GLRB: variants seen among roughly 807,000 people sequenced by gnomAD.
The protein encoded by GLRB is glycine receptor beta.
GLRB carries 33 observed loss-of-function variants against 54.2 expected under a neutral mutation model. The ratio of observed to expected loss-of-function variants is 0.61; its 90% CI spans 0.46 to 0.81. The LOEUF is 0.81. GLRB is among the 40% of genes least tolerant of loss of function. GLRB has a pLI of 0.00. For missense variants in GLRB, 572 were observed against 584.6 expected, an observed-to-expected ratio of 0.98 and a Z score of 0.22; for synonymous variants, 209 against 208.2, an observed-to-expected ratio of 1.00 and a Z score of -0.03.
At chr4:157,113,090 C>T (rs1735479594) in intron 2 of GLRB, among the ~76,000 whole-genome samples, 1 of 151,794 alleles carries the variant, frequency 6.6e-6, no homozygotes, top group African/African-American at 2.4e-5. Flanking sequence ...AAGTGTTTTT[C>T]AATTATACCC....
At chr4:157,111,539 G>A (rs1735418872) in intron 2 of GLRB, among the ~76,000 whole-genome samples, 1 of 151,960 alleles carries the variant, frequency 6.6e-6, no homozygotes, top group Non-Finnish European at 1.5e-5. Flanking sequence ...ATTAGGGCTG[G>A]AGGGTGTCTT....
At chr4:157,096,634 G>T (rs1734821890) in intron 2 of GLRB, among the ~76,000 whole-genome samples, 1 of 152,182 alleles carries the variant, frequency 6.6e-6, no homozygotes, top group African/African-American at 2.4e-5. Flanking sequence ...TATAGCCTGA[G>T]TGGGATCTGT....
chr4:157,098,552 A>G (rs572961004), intron 2 of GLRB, among the ~76,000 whole-genome samples: 1 of 152,210 alleles, frequency 6.6e-6, no homozygotes, highest in East Asian at 1.9e-4. Flanking sequence ...CATTAAGGAG[A>G]GTTAGCCCTT....
chr4:157,088,339 A>G (rs570644066), intron 2 of GLRB, among the ~76,000 whole-genome samples: 66 of 152,122 alleles, frequency 4.3e-4, no homozygotes, highest in Admixed American at 6.5e-4. Flanking sequence ...AATATTCTCT[A>G]TACATTCTAC....
chr4:157,128,267 C>T (rs934013215), intron 4 of GLRB, among the ~76,000 whole-genome samples: 2 of 151,694 alleles, frequency 1.3e-5, no homozygotes, highest in Non-Finnish European at 1.5e-5. Context: ...GTACATGAAA[C>T]TCAACAATTT....
At chr4:157,159,757 G>T (rs1277954119) in intron 9 of GLRB, among the ~76,000 whole-genome samples, 2 of 152,104 alleles carry the variant, frequency 1.3e-5, no homozygotes, top group Admixed American at 6.6e-5. Flanking sequence ...GAGGATTTTG[G>T]CATTGATGTT....
chr4:157,107,773 C>T (rs894921433), intron 2 of GLRB, among the ~76,000 whole-genome samples: 4 of 152,100 alleles, frequency 2.6e-5, no homozygotes, highest in Middle Eastern at 3.4e-3. Flanking sequence ...GGTGAATATA[C>T]GAAACAACAG....
At chr4:157,079,701 C>T (rs182025049) in intron 2 of GLRB, among the ~76,000 whole-genome samples, 3 of 152,278 alleles carry the variant, frequency 2.0e-5, no homozygotes, top group Admixed American at 2.0e-4. Flanking sequence ...CAATCTACAA[C>T]CATCTCAACT....
In GLRB at chr4:157,076,333, G is replaced by T. The variant is rs137856094; in HGVS notation, c.-30+36G>T. The T allele has an allele frequency of 7.5e-3, 1,138 of 151,770 alleles. 5 individuals are homozygous for T. The highest frequency in any genetic ancestry group is 0.013 in the Admixed American group (201 of 15,210). 9.4% of individuals were successfully genotyped at this position (151,770 alleles called of 1,614,324 possible). Reference sequence around the variant, plus strand: ...GGAGCTCCACTTAGGAGGAGGGGACGCGGGTTGGGGCGGCGACGGTGGTCT... The same window carrying T: ...GGAGCTCCACTTAGGAGGAGGGGACTCGGGTTGGGGCGGCGACGGTGGTCT... On this transcript the variant is annotated intron_variant, in intron 1 of 9. Coordinates refer to ENST00000264428, the MANE Select transcript of GLRB (RefSeq NM_000824.5).
intron 9 of GLRB, among the ~76,000 whole-genome samples, chr4:157,162,986 A>T (rs574897769): frequency 6.6e-6 from 1 of 152,242 alleles, no homozygotes; most frequent in African/African-American, 2.4e-5. Context: ...GGCTCCACCC[A>T]GTTTGAGCTT....
chr4:157,147,847 G>T (rs1177031363), intron 8 of GLRB, among the ~76,000 whole-genome samples: 1 of 152,208 alleles, frequency 6.6e-6, no homozygotes, highest in Non-Finnish European at 1.5e-5. Context: ...TTTGAGGTTT[G>T]TGGGCCATAT....
At chr4:157,101,777 G>C (rs1461801387) in intron 2 of GLRB, among the ~76,000 whole-genome samples, 1 of 130,408 alleles carries the variant, frequency 7.7e-6, no homozygotes, top group Non-Finnish European at 1.6e-5. Context: ...TCCTTTTCTA[G>C]AGTCCATAGA....
In GLRB at chr4:157,077,974, A is replaced by G. The variant is rs771882415; in HGVS notation, c.-29-22A>G. 5 of 1,525,940 alleles carry G rather than the reference A, an allele frequency of 3.3e-6. No individual in the cohort carries two copies. The Admixed American group carries it at 8.6e-5, about 26-fold the overall frequency. The allele number at this position is 1,525,940 out of a possible 1,614,324, so 94.5% of individuals were successfully genotyped here. A position where few individuals can be genotyped will look rare whatever the true frequency, so the allele number is the denominator to read the frequency against. ...TATCATTTTCTTCATAAATGTAAACATTTTCTTGTTCTCTCTTGTAGATCG... is the reference window on the plus strand; with the variant it reads ...TATCATTTTCTTCATAAATGTAAACGTTTTCTTGTTCTCTCTTGTAGATCG... On this transcript the variant is annotated intron_variant, in intron 1 of 9. Coordinates refer to ENST00000264428, the MANE Select transcript of GLRB (RefSeq NM_000824.5).
intron 4 of GLRB, among the ~76,000 whole-genome samples, chr4:157,129,701 ACT>A (rs898677735): frequency 6.6e-6 from 1 of 151,528 alleles, no homozygotes; most frequent in African/African-American, 2.4e-5. Context: ...TTGGAATATG[ACT>A]CTGATGGAAT....
chr4:157,153,275 T>A (rs1284950221), intron 9 of GLRB, among the ~76,000 whole-genome samples: 2 of 152,210 alleles, frequency 1.3e-5, no homozygotes. Context: ...GTTTAAGGAT[T>A]CAACTCTGCT....
chr4:157,148,556 T>G, intron 8 of GLRB, among the ~76,000 whole-genome samples: 1 of 152,196 alleles, frequency 6.6e-6, no homozygotes, highest in Non-Finnish European at 1.5e-5. Flanking sequence ...AATTTTGGTA[T>G]ATTGTATTTT....
chr4:157,130,066 C>G (rs1240510544), intron 4 of GLRB, among the ~76,000 whole-genome samples: 1 of 151,602 alleles, frequency 6.6e-6, no homozygotes, highest in Non-Finnish European at 1.5e-5. Flanking sequence ...AGGTGCAGTT[C>G]ATGTACTTTG....
chr4:157,118,722 C>A (rs562008372), intron 2 of GLRB, among the ~76,000 whole-genome samples: 1 of 151,508 alleles, frequency 6.6e-6, no homozygotes, highest in African/African-American at 2.4e-5. Flanking sequence ...TGCCTCTTAT[C>A]GGCAGATTGT....
chr4:157,119,520 T>C (rs958818510), intron 2 of GLRB, among the ~76,000 whole-genome samples: 1 of 151,700 alleles, frequency 6.6e-6, no homozygotes, highest in African/African-American at 2.4e-5. Context: ...AAGTAACCTG[T>C]CTGCTTAATT....
Sources: allele counts gnomAD v4.1 joint callset (sites outside exome capture counted in the v4.1 genomes callset), GRCh38; gene constraint gnomAD v4.1.1; transcripts MANE v1.5; gene names NCBI Gene and HGNC (gene_info 2026-07-23, HGNC 2026-07-21).